B3GALT1: variants seen among roughly 807,000 people sequenced by gnomAD.
B3GALT1 encodes beta-1,3-galactosyltransferase 1, also known as UDP-Gal:betaGlcNAc beta 1,3-galactosyltransferase, polypeptide 1.
In B3GALT1, 10 loss-of-function variants were observed where a neutral mutation model predicts 23.2. The ratio of observed to expected loss-of-function variants is 0.43; its 90% CI spans 0.27 to 0.73. The LOEUF is 0.73. B3GALT1 is among the 30% of genes least tolerant of loss of function. B3GALT1 has a pLI of 0.21. For synonymous variants in B3GALT1, 156 were observed against 141.5 expected (o/e 1.10, Z -0.73); for missense variants, 299 against 405.4 (o/e 0.74, Z 2.25).
intron 4 of B3GALT1, among the ~76,000 whole-genome samples, chr2:167,843,460 A>G (rs769777628): frequency 1.1e-4 from 16 of 152,142 alleles, no homozygotes; most frequent in Admixed American, 3.3e-4. Flanking sequence ...AGGTCAAATC[A>G]TTATTCTATT....
At chr2:167,440,390 C>A in intron 1 of B3GALT1, among the ~76,000 whole-genome samples, 1 of 150,426 alleles carries the variant, frequency 6.6e-6, no homozygotes, top group African/African-American at 2.4e-5. Flanking sequence ...GTTCATAAAC[C>A]CTAACATTTT....
At chr2:167,710,541 A>G (rs1255733011) in intron 3 of B3GALT1, among the ~76,000 whole-genome samples, 1 of 152,168 alleles carries the variant, frequency 6.6e-6, no homozygotes. Flanking sequence ...TGCTTCTCAA[A>G]GCATTGTCTG....
At chr2:167,460,003 G>A (rs1243987796) in intron 1 of B3GALT1, among the ~76,000 whole-genome samples, 1 of 142,288 alleles carries the variant, frequency 7.0e-6, no homozygotes, top group Non-Finnish European at 1.5e-5. Context: ...ATCCCTGTAT[G>A]TGAGAAGTCA....
rs190029933 is a variant in B3GALT1 at position 167,852,558 on chromosome 2, T to C, written c.-229-16253T>C. On this transcript the variant is annotated intron_variant, in intron 4 of 4. Coordinates refer to ENST00000392690, the MANE Select transcript of B3GALT1 (RefSeq NM_020981.4). ...ATTTTCCTAAACACAGGAACTTTTA[T>C]TTTATCGGAAAATTTATTTTTAATC... Among the ~76,000 whole-genome samples, 505 of 152,144 alleles carry C rather than the reference T, an allele frequency of 3.3e-3. 6 individuals carry two copies. Among genetic ancestry groups the C allele is most frequent in the African/African-American group, 0.012 (485 of 41,516 alleles).
chr2:167,304,681 AAG>A (rs1401405579), intron 1 of B3GALT1, among the ~76,000 whole-genome samples: 2 of 151,356 alleles, frequency 1.3e-5, no homozygotes, highest in African/African-American at 4.9e-5. Flanking sequence ...GAGAGACAGA[AAG>A]AGGGAGAGAC....
intron 3 of B3GALT1, among the ~76,000 whole-genome samples, chr2:167,783,954 C>T (rs1215502499): frequency 1.3e-5 from 2 of 152,170 alleles, no homozygotes; most frequent in Admixed American, 1.3e-4. Context: ...CTGCAGTGAC[C>T]ACAGTGGCAA....
chr2:167,805,167 TG>T (rs1312141730), intron 3 of B3GALT1, among the ~76,000 whole-genome samples: 1 of 152,242 alleles, frequency 6.6e-6, no homozygotes, highest in East Asian at 1.9e-4. Context: ...CACTTTTTGA[TG>T]GGGCTGTTTG....
At chr2:167,832,723 G>A (rs756395847) in intron 4 of B3GALT1, among the ~76,000 whole-genome samples, 3 of 152,184 alleles carry the variant, frequency 2.0e-5, no homozygotes, top group Non-Finnish European at 4.4e-5. Flanking sequence ...AACATCAAAT[G>A]GTTAGATTTT....
intron 4 of B3GALT1, among the ~76,000 whole-genome samples, chr2:167,827,577 C>T (rs1297524780): frequency 6.6e-6 from 1 of 152,126 alleles, no homozygotes; most frequent in Non-Finnish European, 1.5e-5. Context: ...CTGCAAATAG[C>T]GCCCACCCCA....
At chr2:167,453,740 G>A (rs1387441887) in intron 1 of B3GALT1, among the ~76,000 whole-genome samples, 1 of 152,066 alleles carries the variant, frequency 6.6e-6, no homozygotes, top group Non-Finnish European at 1.5e-5. Flanking sequence ...TTTTTTTCAG[G>A]TAAAGTTTTA....
intron 3 of B3GALT1, among the ~76,000 whole-genome samples, chr2:167,696,662 T>C (rs573587038): frequency 6.6e-6 from 1 of 152,172 alleles, no homozygotes; most frequent in Non-Finnish European, 1.5e-5. Context: ...TTGGTCAAAT[T>C]ATATCCGAAC....
intron 2 of B3GALT1, among the ~76,000 whole-genome samples, chr2:167,552,447 T>C (rs882779): frequency 0.57 from 86,125 of 152,132 alleles, 28,562 homozygotes; most frequent in East Asian, 0.99. Context: ...ACCATTTAAA[T>C]TTCCATAAAC....
At chr2:167,662,687 T>C (rs1166723853) in intron 3 of B3GALT1, among the ~76,000 whole-genome samples, 1 of 151,930 alleles carries the variant, frequency 6.6e-6, no homozygotes, top group Non-Finnish European at 1.5e-5. Flanking sequence ...GCTCCCCATA[T>C]GACATAGAGG....
chr2:167,383,496 G>A (rs1697873836), intron 1 of B3GALT1, among the ~76,000 whole-genome samples: 1 of 152,086 alleles, frequency 6.6e-6, no homozygotes, highest in South Asian at 2.1e-4. Flanking sequence ...ACCTTCCTGA[G>A]CTCTAGAGCC....
chr2:167,297,205 C>T (rs563947056), intron 1 of B3GALT1, among the ~76,000 whole-genome samples: 49 of 152,042 alleles, frequency 3.2e-4, no homozygotes, highest in African/African-American at 1.1e-3. Context: ...TGTAATGGTT[C>T]CAAATTAACA....
chr2:167,463,964 C>T (rs1699306228), intron 1 of B3GALT1, among the ~76,000 whole-genome samples: 1 of 152,152 alleles, frequency 6.6e-6, no homozygotes, highest in Non-Finnish European at 1.5e-5. Flanking sequence ...TGAGCAAGAG[C>T]TAAGACAAGC....
chr2:167,539,823 A>G (rs1419086013), intron 2 of B3GALT1, among the ~76,000 whole-genome samples: 1 of 152,120 alleles, frequency 6.6e-6, no homozygotes, highest in African/African-American at 2.4e-5. Context: ...TATAATTTAA[A>G]TATAATTTTT....
chr2:167,307,170 A>G (rs1574026304), intron 1 of B3GALT1, among the ~76,000 whole-genome samples: 1 of 152,072 alleles, frequency 6.6e-6, no homozygotes, highest in African/African-American at 2.4e-5. Flanking sequence ...AAATAACTAA[A>G]ATATAGTGGA....
At chr2:167,600,235 G>A (rs1227686874) in intron 2 of B3GALT1, among the ~76,000 whole-genome samples, 6 of 152,132 alleles carry the variant, frequency 3.9e-5, no homozygotes, top group African/African-American at 1.4e-4. Flanking sequence ...CCCACAATCA[G>A]TCATCACCCC....
Sources: gnomAD v4.1 joint callset for allele counts (sites outside exome capture counted in the v4.1 genomes callset) on GRCh38, gnomAD v4.1.1 for gene constraint, MANE v1.5 for transcripts, NCBI Gene and HGNC (gene_info 2026-07-23, HGNC 2026-07-21) for gene names.